The following NIBAN1 variants were observed in gnomAD, a reference collection of about 807,000 sequenced individuals.
The protein encoded by NIBAN1 is protein Niban 1.
NIBAN1 carries 81 observed loss-of-function variants against 75.1 expected under a neutral mutation model. The observed-to-expected ratio is 1.08, with a 90% CI of 0.90 to 1.30. NIBAN1 has a LOEUF of 1.30. Among genes scored for constraint, NIBAN1 ranks in the 50% most tolerant of loss-of-function variants. The pLI is 0.00. For synonymous variants in NIBAN1, 436 were observed against 424.8 expected (o/e 1.03, Z -0.32); for missense variants, 1,133 against 1,128.1 (o/e 1.00, Z -0.06).
intron 5 of NIBAN1, among the ~76,000 whole-genome samples, chr1:184,870,425 C>A (rs532303239): frequency 6.6e-6 from 1 of 151,992 alleles, no homozygotes; most frequent in African/African-American, 2.4e-5. Context: ...CTATAGTTGC[C>A]GGGAGCATTC....
At chr1:184,968,679 T>A (rs1321768707) in intron 1 of NIBAN1, among the ~76,000 whole-genome samples, 1 of 152,252 alleles carries the variant, frequency 6.6e-6, no homozygotes, top group African/African-American at 2.4e-5. Flanking sequence ...GCATTTAGTA[T>A]ACTGGTTAGG....
rs1653687942 is a variant in NIBAN1, at chr1:184,791,196, C to T, written c.*3781G>A. On this transcript the variant is annotated 3_prime_UTR_variant, in exon 14 of 14. Coordinates refer to ENST00000367511, the MANE Select transcript of NIBAN1 (RefSeq NM_052966.4). The stretch of plus-strand genomic sequence containing the variant: ...ACTTTAGAAGGCAAACCCTCAAACC[C>T]GTCTCTTTATGGTAAAGTGTGAAGG... The T allele has an allele frequency of 5.3e-6, 2 of 378,014 alleles. No homozygotes were observed. Among genetic ancestry groups the T allele is most frequent in the East Asian group, 7.5e-5 (1 of 13,412 alleles). The allele number at this position is 378,014 out of a possible 1,614,324, so 23.4% of individuals were successfully genotyped here.
chr1:184,800,906 C>G (rs556947456), intron 12 of NIBAN1, among the ~76,000 whole-genome samples: 2 of 152,324 alleles, frequency 1.3e-5, no homozygotes. Flanking sequence ...CATTCTCTTT[C>G]TCTTCAGCTG....
chr1:184,889,690 C>G (rs1362274467), intron 4 of NIBAN1, among the ~76,000 whole-genome samples: 2 of 152,142 alleles, frequency 1.3e-5, no homozygotes, highest in Non-Finnish European at 2.9e-5. Context: ...ACCTGGCTGA[C>G]AGCACATTTT....
At chr1:184,828,983 A>G (rs1471862481) in intron 6 of NIBAN1, among the ~76,000 whole-genome samples, 2 of 152,078 alleles carry the variant, frequency 1.3e-5, no homozygotes, top group African/African-American at 4.8e-5. Flanking sequence ...AACTTTTTGA[A>G]GAGATAGGGT....
At chr1:184,964,854 A>T (rs549493799) in intron 1 of NIBAN1, among the ~76,000 whole-genome samples, 1 of 152,316 alleles carries the variant, frequency 6.6e-6, no homozygotes, top group South Asian at 2.1e-4. Flanking sequence ...ACCGTTCAAA[A>T]ACTTTAATTC....
chr1:184,928,140 T>C (rs2102028042), intron 1 of NIBAN1, among the ~76,000 whole-genome samples: 1 of 152,110 alleles, frequency 6.6e-6, no homozygotes, highest in East Asian at 1.9e-4. Context: ...TTTAGAAATG[T>C]CCTTTGGGAA....
intron 1 of NIBAN1, among the ~76,000 whole-genome samples, chr1:184,969,126 T>G (rs990278859): frequency 2.6e-5 from 4 of 152,228 alleles, no homozygotes; most frequent in African/African-American, 9.6e-5. Flanking sequence ...GGAAATATCT[T>G]TATTATGGGA....
intron 6 of NIBAN1, among the ~76,000 whole-genome samples, chr1:184,825,656 C>A (rs1654822726): frequency 6.6e-6 from 1 of 152,222 alleles, no homozygotes; most frequent in African/African-American, 2.4e-5. Context: ...TGAATCTGAG[C>A]AGTATTCTAC....
chr1:184,897,326 G>C (rs1656827531), intron 2 of NIBAN1, among the ~76,000 whole-genome samples: 2 of 150,468 alleles, frequency 1.3e-5, no homozygotes, highest in South Asian at 4.2e-4. Flanking sequence ...GTGGTGGGTG[G>C]GGGTGGCTAT....
Position 184,795,491 on chromosome 1 carries a change from A to G in NIBAN1, c.2273T>C (p.Ile758Thr), listed in dbSNP as rs994141230. The stretch of plus-strand genomic sequence containing the variant: ...ACTTTCTTCACAGTTGTCGGGGTGG[A>G]TGGCAGCTGCCTGACTGGGCTCTTT... ...EEKEPSQAAAIHPDNCEESEV... is the reference protein window; with the variant it reads ...EEKEPSQAAATHPDNCEESEV... The change falls in exon 14 of 14, where the codon ATC (isoleucine) becomes ACC (threonine). Residue 758 changes from isoleucine to threonine, a missense_variant. Ile to Thr is a moderately conservative substitution (Grantham distance 89). Coordinates refer to ENST00000367511, the MANE Select transcript of NIBAN1 (RefSeq NM_052966.4). 2.9e-5 allele frequency: 47 copies of G among 1,613,152 alleles called. No homozygotes were observed. The highest frequency in any genetic ancestry group is 3.9e-5 in the Non-Finnish European group (46 of 1,179,726).
rs745712326 is a variant in NIBAN1, at chr1:184,824,415, G to A, written c.718-673C>T. ...TCCAAGAGATACAGCCACATTGAAG[G>A]ATAAACCACAGAGAAGATCAGCAAG... On this transcript the variant is annotated intron_variant, in intron 6 of 13. Transcript: ENST00000367511. Among the ~76,000 whole-genome samples, 77 of 152,224 alleles carry A rather than the reference G, an allele frequency of 5.1e-4. 1 individual carries two copies. Among genetic ancestry groups the A allele is most frequent in the Middle Eastern group, 3.4e-3 (1 of 294 alleles).
At chr1:184,917,143 T>G (rs974656021) in intron 1 of NIBAN1, among the ~76,000 whole-genome samples, 1 of 152,010 alleles carries the variant, frequency 6.6e-6, no homozygotes, top group African/African-American at 2.4e-5. Context: ...AGCCCCAGCC[T>G]GGGCTGGACT....
rs757625263 is a variant in NIBAN1, at chr1:184,890,208, T to C, written c.333A>G (p.Gly111=). Residue 111 remains glycine, a synonymous_variant, in exon 4 of 14, where the codon GGA becomes GGG. Coordinates refer to ENST00000367511, the MANE Select transcript of NIBAN1 (RefSeq NM_052966.4). ...GAAGAATTCGACATTTAGGAGCAGC[T>C]CCTCTCTGATAGGCCTGGGGAGGGA... ...SYENKEAYQR[G]AAPKCRILPA... The C allele has an allele frequency of 3.6e-5, 58 of 1,613,488 alleles. No individual in the cohort carries two copies. The highest frequency in any genetic ancestry group is 3.2e-4 in the Admixed American group (19 of 59,984).
At chr1:184,911,383 C>A (rs1657237266) in intron 1 of NIBAN1, among the ~76,000 whole-genome samples, 1 of 152,112 alleles carries the variant, frequency 6.6e-6, no homozygotes, top group Non-Finnish European at 1.5e-5. Context: ...ACAGTAAAAG[C>A]ATTTGGCTCA....
rs1201302401 is a variant in NIBAN1 at position 184,792,321 on chromosome 1, T to C, written c.*2656A>G. 2 of 152,338 alleles carry C rather than the reference T, an allele frequency of 1.3e-5. No individual in the cohort carries two copies. Among genetic ancestry groups the C allele is most frequent in the African/African-American group, 2.4e-5 (1 of 41,474 alleles). The allele number at this position is 152,338 out of a possible 1,614,324, so 9.4% of individuals were successfully genotyped here. On this transcript the variant is annotated 3_prime_UTR_variant, in exon 14 of 14. Transcript: ENST00000367511. Reference sequence around the variant, plus strand: ...GTACATCCTGCCAAATAGTGCCCAGTCCTCCCTGACCTACATGATGGATAA... The same window carrying C: ...GTACATCCTGCCAAATAGTGCCCAGCCCTCCCTGACCTACATGATGGATAA...
chr1:184,826,288 G>T (rs189258540), intron 6 of NIBAN1, among the ~76,000 whole-genome samples: 1 of 152,282 alleles, frequency 6.6e-6, no homozygotes, highest in African/African-American at 2.4e-5. Flanking sequence ...CCTTTCTTCA[G>T]CCTTCTCTGG....
rs749884547 is a variant in NIBAN1, at chr1:184,795,152, G to A, written c.2612C>T (p.Ala871Val). The change falls in exon 14 of 14, where the codon GCG becomes GTG. Residue 871 changes from alanine (A) to valine (V), a missense_variant. By Grantham distance (64) the Ala-to-Val change is moderately conservative. Transcript: ENST00000367511. Reference protein sequence around the residue: ...EQEEMGGQSSAAQATASVNAE... With the variant: ...EQEEMGGQSSVAQATASVNAE... ...ATTCACACTGGCCGTGGCCTGGGCCGCGCTGCTTTGCCCTCCCATCTCTTC... is the reference window on the plus strand; with the variant it reads ...ATTCACACTGGCCGTGGCCTGGGCCACGCTGCTTTGCCCTCCCATCTCTTC... 4.0e-5 allele frequency: 65 copies of A among 1,614,178 alleles called. No individual in the cohort carries two copies. Among genetic ancestry groups the A allele is most frequent in the Middle Eastern group, 3.3e-4 (2 of 6,062 alleles).
intron 5 of NIBAN1, among the ~76,000 whole-genome samples, chr1:184,864,591 A>C (rs1655899673): frequency 6.6e-6 from 1 of 152,100 alleles, no homozygotes. Context: ...ACTTCTTCAA[A>C]AGTGATGGTA....
Sources: gnomAD v4.1 joint callset for allele counts (sites outside exome capture counted in the v4.1 genomes callset) on GRCh38, gnomAD v4.1.1 for gene constraint, MANE v1.5 for transcripts, NCBI Gene and HGNC (gene_info 2026-07-23, HGNC 2026-07-21) for gene names.